The following SEC23A variants were observed in gnomAD, a reference collection of about 807,000 sequenced individuals.
SEC23A encodes protein transport protein Sec23A.
In SEC23A, 56 loss-of-function variants were observed where a neutral mutation model predicts 103.7. That is an observed-to-expected ratio of 0.54 (90% CI 0.44 to 0.67). The LOEUF (loss-of-function observed/expected upper bound fraction) is 0.67, where lower values mean the gene tolerates loss of function less well. Among genes scored for constraint, SEC23A ranks in the 30% least tolerant of loss-of-function variants. The probability of loss-of-function intolerance (pLI) is 0.00; values close to 1 mark genes in which losing one functional copy is unlikely to be tolerated. For synonymous variants in SEC23A, 281 were observed against 293.0 expected (o/e 0.96, Z 0.42); for missense variants, 784 against 936.4 (o/e 0.84, Z 2.12).
intron 1 of SEC23A, 59 bp from the exon 2 acceptor site, chr14:39,096,198 A>T: frequency 2.6e-6 from 3 of 1,142,602 alleles, no homozygotes; most frequent in Non-Finnish European, 3.9e-6. Context: ...CGTTCAAAAT[A>T]TGAATGTTCT....
chr14:39,085,953 T>A, intron 6 of SEC23A, 47 bp from the exon 7 acceptor site: 2 of 1,510,290 alleles, frequency 1.3e-6, no homozygotes, highest in Non-Finnish European at 1.8e-6. Context: ...TGTTTATGGG[T>A]GAGAGTTCGA....
chr14:39,065,954 T>C (rs952832578), intron 10 of SEC23A, among the ~76,000 whole-genome samples: 7 of 125,078 alleles, frequency 5.6e-5, no homozygotes, highest in African/African-American at 2.2e-4. Context: ...GCTGAGATCA[T>C]GACATTGCAC....
At chr14:39,102,861 T>A (rs1888164019) in intron 1 of SEC23A, among the ~76,000 whole-genome samples, 171 bp downstream of exon 1, 1 of 151,866 alleles carries the variant, frequency 6.6e-6, no homozygotes, top group Admixed American at 6.6e-5. Context: ...CAGAGCGAAG[T>A]GGGTGAGAGG....
At chr14:39,041,939 C>T (rs905831806) in intron 17 of SEC23A, among the ~76,000 whole-genome samples, 2 of 149,982 alleles carry the variant, frequency 1.3e-5, no homozygotes, top group Admixed American at 1.3e-4. Flanking sequence ...TTTACTATTA[C>T]AGTACAAATC....
chr14:39,053,599 T>C (rs1160364987), intron 14 of SEC23A, among the ~76,000 whole-genome samples: 1 of 151,614 alleles, frequency 6.6e-6, no homozygotes, highest in Non-Finnish European at 1.5e-5. Flanking sequence ...CTCTTGGAGG[T>C]GAAATCAAAA....
intron 14 of SEC23A, among the ~76,000 whole-genome samples, chr14:39,054,889 A>G (rs1380558892): frequency 6.6e-6 from 1 of 152,252 alleles, no homozygotes; most frequent in Non-Finnish European, 1.5e-5. Flanking sequence ...ATTCCAGCCA[A>G]TAAGAATAGA....
At chr14:39,091,746 G>A (rs563182955) in intron 4 of SEC23A, 33 bp from the exon 5 acceptor site, 1 of 1,415,422 alleles carries the variant, frequency 7.1e-7, no homozygotes, top group South Asian at 1.2e-5. Flanking sequence ...GAAAAAATAT[G>A]TAGTTTAAAG....
At chr14:39,073,406 C>A (rs59465524) in intron 9 of SEC23A, among the ~76,000 whole-genome samples, 14,717 of 151,880 alleles carry the variant, frequency 0.097, 929 homozygotes, top group East Asian at 0.31. Context: ...GATTCTCCTG[C>A]CTCAGCCTCC....
rs572679988 is a variant in SEC23A at position 39,061,792 on chromosome 14, C to T, written c.1478G>A (p.Arg493His). 4 of 1,612,556 alleles carry T rather than the reference C, an allele frequency of 2.5e-6. No homozygotes were observed. The highest frequency in any genetic ancestry group is 1.1e-5 in the South Asian group (1 of 91,054). Reference sequence around the variant, plus strand: ...CCTAGCAATGGTGGTCACTCGGATGCGTCTCTGCCCACTTGAATGCTGATA... The same window carrying T: ...CCTAGCAATGGTGGTCACTCGGATGTGTCTCTGCCCACTTGAATGCTGATA... The part of the protein sequence containing the change: ...TQYQHSSGQR[R>H]IRVTTIARNW... Residue 493 changes from arginine to histidine, a missense_variant, in exon 13 of 20, where the codon CGC becomes CAC. Arg to His is a conservative substitution (Grantham distance 29). Coordinates refer to ENST00000307712, the MANE Select transcript of SEC23A (RefSeq NM_006364.4).
At chr14:39,094,205 T>C (rs532090379) in intron 2 of SEC23A, among the ~76,000 whole-genome samples, 73 of 136,878 alleles carry the variant, frequency 5.3e-4, no homozygotes, top group African/African-American at 1.7e-3. Flanking sequence ...TACATATATA[T>C]ATATGCATAT....
At chr14:39,092,876 G>C in intron 3 of SEC23A, 1 of 501,186 alleles carries the variant, frequency 2.0e-6, no homozygotes, top group Non-Finnish European at 3.5e-6. Flanking sequence ...TTGTTTGTTT[G>C]TTTTTGAGAC....
chr14:39,054,533 C>G (rs1353787894), intron 14 of SEC23A, among the ~76,000 whole-genome samples: 1 of 152,042 alleles, frequency 6.6e-6, no homozygotes, highest in Non-Finnish European at 1.5e-5. Context: ...TGCAGCAGCA[C>G]AATCACAGCT....
intron 14 of SEC23A, among the ~76,000 whole-genome samples, chr14:39,049,967 A>G (rs764051610): frequency 3.3e-5 from 5 of 151,774 alleles, no homozygotes; most frequent in Non-Finnish European, 5.9e-5. Context: ...ACGGGGTTTC[A>G]CTGTGTTAGC....
At chr14:39,075,898 T>C (rs772802585) in intron 8 of SEC23A, 37 bp downstream of exon 8, 308 of 1,593,772 alleles carry the variant, frequency 1.9e-4, no homozygotes, top group Non-Finnish European at 2.6e-4. Flanking sequence ...AATACCTGTT[T>C]TCTAATAAGG....
At position 39,040,743 on chromosome 14, in the gene SEC23A, C is replaced by T. The variant is rs775931340; in HGVS notation, c.2131G>A (p.Gly711Arg). The change falls in exon 18 of 20, where the codon GGA becomes AGA. Residue 711 changes from glycine (G) to arginine (R), a missense_variant. Physicochemically the swap from Gly to Arg is moderately radical, Grantham distance 125 (BLOSUM62 -2). Around this residue, in one of 2 missense-constraint regions of SEC23A, gnomAD observed 101 missense variants for 162.2 expected, o/e 0.62. Transcript: ENST00000307712. ...PMPRYIDTEH[G>R]GSQARFLLSK... is the part of the protein sequence containing the mutation. ...TTAACACTACTTACCTGGCTGCCTC[C>T]ATGTTCAGTGTCAATGTATCTTGGC... The T allele has an allele frequency of 2.5e-6, 4 of 1,614,168 alleles. No homozygotes were observed. The highest frequency in any genetic ancestry group is 3.4e-6 in the Non-Finnish European group (4 of 1,180,040).
intron 13 of SEC23A, among the ~76,000 whole-genome samples, chr14:39,056,127 C>T (rs544664607): frequency 5.3e-5 from 8 of 152,368 alleles, no homozygotes; most frequent in South Asian, 2.1e-4. Context: ...CGTGCCACTA[C>T]GCTTCATGCC....
At position 39,064,948 on chromosome 14, in the gene SEC23A, A is replaced by T; in HGVS notation, c.1273T>A (p.Ser425Thr). Residue 425 changes from serine (S) to threonine (T), a missense_variant, in exon 11 of 20, where the codon TCA (serine) becomes ACA (threonine). Ser to Thr is a moderately conservative substitution (Grantham distance 58). Coordinates refer to ENST00000307712, the MANE Select transcript of SEC23A (RefSeq NM_006364.4). Reference protein sequence around the residue: ...KISGAIGPCVSLNSKGPCVSE... With the variant: ...KISGAIGPCVTLNSKGPCVSE... ...ACACAGGGTCCTTTAGAATTGAGTG[A>T]CACACAGGGTCCAATAGCTCCTGAA... is the stretch of plus-strand genomic sequence containing the variant. 6.2e-7 allele frequency: 1 copy of T among 1,613,354 alleles called. No homozygotes were observed. The highest frequency in any genetic ancestry group is 8.5e-7 in the Non-Finnish European group (1 of 1,179,298).
At position 39,074,472 on chromosome 14, in the gene SEC23A, G is replaced by A. The variant is rs1400918714; in HGVS notation, c.1046C>T (p.Ala349Val). ...GAGACCTGTCTGATCTAATGCACAC[G>A]CATAGATATCAATAACATGGCCAGT... ...ATTGHVIDIY[A>V]CALDQTGLLE... The change falls in exon 9 of 20, where the codon GCG becomes GTG. Residue 349 changes from alanine to valine, a missense_variant. Physicochemically the swap from Ala to Val is moderately conservative, Grantham distance 64. Transcript: ENST00000307712. The A allele has an allele frequency of 1.5e-5, 24 of 1,613,310 alleles. No individual in the cohort carries two copies. Among genetic ancestry groups the A allele is most frequent in the East Asian group, 2.2e-5 (1 of 44,860 alleles).
At chr14:39,094,397 CATAT>C (rs1242407974) in intron 2 of SEC23A, among the ~76,000 whole-genome samples, 4 of 7,910 alleles carry the variant, frequency 5.1e-4, no homozygotes, top group East Asian at 4.3e-3. Context: ...CACACACACA[CATAT>C]ATATATATAT....
Sources: allele counts gnomAD v4.1 joint callset (sites outside exome capture counted in the v4.1 genomes callset), GRCh38; gene constraint gnomAD v4.1.1; regional missense constraint gnomAD v4.1.1; transcripts MANE v1.5; gene names NCBI Gene and HGNC (gene_info 2026-07-23, HGNC 2026-07-21).